Variants in CPSF4L observed in about 807,000 individuals in gnomAD.
The protein encoded by CPSF4L is cleavage and polyadenylation specific factor 4 like, also known as putative cleavage and polyadenylation specificity factor subunit 4-like protein.
A neutral mutation model predicts 24.0 loss-of-function variants in CPSF4L; 18 were observed. That is an observed-to-expected ratio of 0.75 (90% CI 0.52 to 1.11). The LOEUF (loss-of-function observed/expected upper bound fraction) is 1.11. Among genes scored for constraint, CPSF4L ranks in the 50% least tolerant of loss-of-function variants. The pLI is 0.00. For missense variants in CPSF4L, 211 were observed against 221.8 expected, an observed-to-expected ratio of 0.95 and a Z score of 0.31; for synonymous variants, 72 against 77.2, an observed-to-expected ratio of 0.93 and a Z score of 0.35.
chr17:73,245,136 G>A (rs767358264), downstream of CPSF4L: 35 of 1,611,244 alleles, frequency 2.2e-5, no homozygotes, highest in Middle Eastern at 1.7e-4. Flanking sequence ...GTGGCCTCTC[G>A]GATCCTTACA....
At chr17:73,252,028 G>A (rs1158498896) in intron 5 of CPSF4L, among the ~76,000 whole-genome samples, 1 of 152,250 alleles carries the variant, frequency 6.6e-6, no homozygotes, top group Non-Finnish European at 1.5e-5. Flanking sequence ...ATGATGACAT[G>A]CCTTTCAAAG....
intron 3 of CPSF4L, among the ~76,000 whole-genome samples, chr17:73,255,698 T>C (rs1435685922): frequency 6.6e-6 from 1 of 152,172 alleles, no homozygotes; most frequent in Non-Finnish European, 1.5e-5. Context: ...TATACAGCAC[T>C]GGGCAGAGTG....
chr17:73,263,391 G>A (rs1393199834), upstream of CPSF4L, among the ~76,000 whole-genome samples: 2 of 152,140 alleles, frequency 1.3e-5, no homozygotes, highest in Non-Finnish European at 2.9e-5. Flanking sequence ...CATCAAGGAG[G>A]GGACATTAGC....
the CPSF4L span, chr17:73,242,876 CCG>C: frequency 1.3e-6 from 2 of 1,597,096 alleles, no homozygotes; most frequent in South Asian, 2.3e-5. Flanking sequence ...TAACAACAAG[CCG>C]TGTTTCCTTT....
chr17:73,242,419 G>A, the CPSF4L span: 10 of 1,108,644 alleles, frequency 9.0e-6, no homozygotes, highest in East Asian at 2.0e-4. Context: ...TTCTCTTCGG[G>A]CTGTTAAGCA....
At position 73,257,770 on chromosome 17, in the gene CPSF4L, C is replaced by A; in HGVS notation, c.218G>T (p.Arg73Leu). 1.3e-6 allele frequency: 2 copies of A among 1,551,606 alleles called. No individual in the cohort carries two copies. Among genetic ancestry groups the A allele is most frequent in the Non-Finnish European group, 1.7e-6 (2 of 1,146,970 alleles). ...GTGATCACCCTTCTTGCAGAGCCCC[C>A]GGAGCCAGTGCTTGCATACCACCAT... is the stretch of plus-strand genomic sequence containing the variant. ...EKMVVCKHWLRGLCKKGDHCK... is the reference protein window; with the variant it reads ...EKMVVCKHWLLGLCKKGDHCK... Residue 73 changes from arginine to leucine, a missense_variant, in exon 3 of 6, where the codon CGG (arginine) becomes CTG (leucine). Transcript: ENST00000344935.
chr17:73,251,251 A>G, intron 5 of CPSF4L: 1 of 1,005,346 alleles, frequency 9.9e-7, no homozygotes, highest in South Asian at 2.7e-5. Flanking sequence ...AAGTGCCAAA[A>G]GCATACCTTT....
chr17:73,245,246 C>T (rs755210632), downstream of CPSF4L: 26 of 1,605,176 alleles, frequency 1.6e-5, no homozygotes, highest in Admixed American at 5.1e-5. Flanking sequence ...ACAGTGGAGA[C>T]GACTGCAATA....
In CPSF4L at chr17:73,261,757, A is replaced by C. The variant is rs1315707683; in HGVS notation, c.62T>G (p.Met21Arg). ...FTFAFEKDVE[M>R]QKGTGLLPFQ... ...AGGCAGGAGCCCAGTGCCCTTCTGC[A>C]TCTCGACATCCTTCTCGAAGGCAAA... is the stretch of plus-strand genomic sequence containing the variant. The change falls in exon 1 of 6, where the codon ATG becomes AGG. Residue 21 changes from methionine to arginine, a missense_variant. Physicochemically the swap from Met to Arg is moderately conservative, Grantham distance 91. Transcript: ENST00000344935. 6.4e-7 allele frequency: 1 copy of C among 1,551,638 alleles called. No homozygotes were observed. The highest frequency in any genetic ancestry group is 1.4e-5 in the African/African-American group (1 of 73,058).
At chr17:73,248,696 G>A (rs188046847) in intron 5 of CPSF4L, 160 bp from the exon 6 acceptor site, 23 of 739,018 alleles carry the variant, frequency 3.1e-5, no homozygotes, top group Middle Eastern at 6.5e-4. Flanking sequence ...GAATATTCAC[G>A]GACATGCCTG....
intron 3 of CPSF4L, among the ~76,000 whole-genome samples, chr17:73,255,488 C>T (rs1358246107): frequency 7.3e-6 from 1 of 137,664 alleles, no homozygotes; most frequent in Non-Finnish European, 1.5e-5. Context: ...GCCTGGGCAA[C>T]AGTGCGAGAC....
At chr17:73,251,193 T>C (rs1599410718) in intron 5 of CPSF4L, 2 of 1,361,096 alleles carry the variant, frequency 1.5e-6, no homozygotes, top group Non-Finnish European at 1.9e-6. Flanking sequence ...ACGCTGGCCA[T>C]GCATTTAGGG....
At chr17:73,247,689 T>A (rs139300596), downstream of CPSF4L, 2 of 186,858 alleles carry the variant, frequency 1.1e-5, no homozygotes, top group African/African-American at 4.7e-5. Flanking sequence ...GGTGAGATCC[T>A]GTATTAATAA....
chr17:73,254,235 G>A (rs2062016041), intron 3 of CPSF4L, among the ~76,000 whole-genome samples: 1 of 152,258 alleles, frequency 6.6e-6, no homozygotes, highest in Non-Finnish European at 1.5e-5. Flanking sequence ...GCAGGGCATG[G>A]TCTGAATATA....
At chr17:73,245,622 A>G, downstream of CPSF4L, 1 of 985,412 alleles carries the variant, frequency 1.0e-6, no homozygotes, top group Non-Finnish European at 1.2e-6. Flanking sequence ...TTGGCAGAAA[A>G]TAAGCCCACA....
At chr17:73,251,251 A>C (rs1386378347) in intron 5 of CPSF4L, 1 of 1,005,228 alleles carries the variant, frequency 9.9e-7, no homozygotes, top group Non-Finnish European at 1.3e-6. Flanking sequence ...AAGTGCCAAA[A>C]GCATACCTTT....
chr17:73,246,856 C>T (rs115766968), downstream of CPSF4L, among the ~76,000 whole-genome samples: 53 of 152,286 alleles, frequency 3.5e-4, no homozygotes, highest in African/African-American at 1.3e-3. Flanking sequence ...ACAATCTTCC[C>T]TGCCGAAAGA....
chr17:73,251,354 C>G (rs2062005394), intron 5 of CPSF4L, among the ~76,000 whole-genome samples: 1 of 152,148 alleles, frequency 6.6e-6, no homozygotes, highest in Non-Finnish European at 1.5e-5. Context: ...CTGCTCAGAA[C>G]CAGCAGGGAC....
chr17:73,259,105 G>T (rs1218490773), intron 2 of CPSF4L, among the ~76,000 whole-genome samples: 1 of 151,602 alleles, frequency 6.6e-6, no homozygotes, highest in Non-Finnish European at 1.5e-5. Context: ...CAATGGCAAA[G>T]TCATGGCTTA....
Sources: allele counts gnomAD v4.1 joint callset (sites outside exome capture counted in the v4.1 genomes callset), GRCh38; gene constraint gnomAD v4.1.1; transcripts MANE v1.5; gene names NCBI Gene and HGNC (gene_info 2026-07-23, HGNC 2026-07-21).